CACNG4: variants seen among roughly 807,000 people sequenced by gnomAD.
CACNG4 encodes the protein voltage-dependent calcium channel gamma-4 subunit.
Under a neutral mutation model 22.9 loss-of-function variants are expected in CACNG4, and 8 were observed. The observed-to-expected ratio is 0.35, with a 90% CI of 0.21 to 0.63. The LOEUF (loss-of-function observed/expected upper bound fraction) is 0.63, where lower values mean the gene tolerates loss of function less well. Ranked by LOEUF, CACNG4 falls within the 30% of genes least tolerant of loss-of-function variation. The pLI is 0.72. For synonymous variants in CACNG4, 188 were observed against 191.9 expected, an observed-to-expected ratio of 0.98 and a Z score of 0.17; for missense variants, 357 against 455.4, an observed-to-expected ratio of 0.78 and a Z score of 1.97.
At chr17:66,976,840 T>C (rs1395764569) in intron 1 of CACNG4, among the ~76,000 whole-genome samples, 1 of 152,116 alleles carries the variant, frequency 6.6e-6, no homozygotes, top group African/African-American at 2.4e-5. Flanking sequence ...AGGAGGAGCC[T>C]GCTGGTGGTA....
chr17:67,027,223 G>GGTGCCCCCTGCAGCTGCCC lies in CACNG4; in HGVS notation c.445+2232_445+2250dup, dbSNP rs1376121625. 2.0e-5 allele frequency among the ~76,000 whole-genome samples: 3 copies of GGTGCCCCCTGCAGCTGCCC among 152,232 alleles called. No homozygotes were observed. Among genetic ancestry groups the GGTGCCCCCTGCAGCTGCCC allele is most frequent in the East Asian group, 1.9e-4 (1 of 5,196 alleles). ...GCTGCCAGCCTCCAAAGCCCTTCGA[G>GGTGCCCCCTGCAGCTGCCC]GTGCCCCCTGCAGCTGCCCGTGCCC... On this transcript the variant is annotated intron_variant, in intron 3 of 3. Coordinates refer to ENST00000262138, the MANE Select transcript of CACNG4 (RefSeq NM_014405.4). The surrounding 1 kb of genome is among the most constrained non-coding windows in gnomAD (Gnocchi z 4.3).
rs56107700 is a variant in CACNG4 at position 67,018,333 on chromosome 17, G to A, written c.304+61G>A. 2,895 of 1,310,398 alleles carry A rather than the reference G, an allele frequency of 2.2e-3. 46 individuals are homozygous for A. In the African/African-American group the frequency reaches 0.035, roughly 16 times the overall value. 81.2% of individuals were successfully genotyped at this position (1,310,398 alleles called of 1,614,324 possible). On this transcript the variant is annotated intron_variant, in intron 2 of 3. Transcript: ENST00000262138. ...GGAGGCGGAAGGGTGGGGGAAGGCG[G>A]CCGGAGGAAAGAGAGACACTGGGCA...
chr17:66,997,708 G>T (rs573778655), intron 1 of CACNG4, among the ~76,000 whole-genome samples: 1 of 152,234 alleles, frequency 6.6e-6, no homozygotes, highest in East Asian at 1.9e-4. Context: ...TCCCAGCTAT[G>T]CAGGAAGCTG....
At chr17:67,007,696 G>A (rs895214813) in intron 1 of CACNG4, among the ~76,000 whole-genome samples, 5 of 152,200 alleles carry the variant, frequency 3.3e-5, no homozygotes, top group Non-Finnish European at 5.9e-5. Flanking sequence ...GAAGGGCAGA[G>A]ACCATGTCTG....
At chr17:66,980,209 T>A (rs1030999761) in intron 1 of CACNG4, among the ~76,000 whole-genome samples, 1 of 152,238 alleles carries the variant, frequency 6.6e-6, no homozygotes, top group Non-Finnish European at 1.5e-5. Context: ...GAATCTTTAT[T>A]TCCTGTCAGC....
At position 67,018,235 on chromosome 17, in the gene CACNG4, C is replaced by T. The variant is rs776136999; in HGVS notation, c.267C>T (p.Asp89=). 1.2e-6 allele frequency: 2 copies of T among 1,614,158 alleles called. No homozygotes were observed. Among genetic ancestry groups the T allele is most frequent in the Non-Finnish European group, 8.5e-7 (1 of 1,179,980 alleles). The change falls in exon 2 of 4, where the codon GAC becomes GAT. Residue 89 remains aspartate (D), a synonymous_variant. Transcript: ENST00000262138. Reference sequence around the variant, plus strand: ...TCCGGATCAATCACTTCCCAGAGGACAATGACTACGACCACGACAGCTCGG... The same window carrying T: ...TCCGGATCAATCACTTCCCAGAGGATAATGACTACGACCACGACAGCTCGG... ...HCFRINHFPE[D]NDYDHDSSEY...
At chr17:66,965,188 A>C in intron 1 of CACNG4, 57 bp downstream of exon 1, 4 of 908,868 alleles carry the variant, frequency 4.4e-6, no homozygotes, top group Non-Finnish European at 6.2e-6. Flanking sequence ...ACACACACAT[A>C]TACACACGCG....
chr17:67,000,320 C>G (rs933869578), intron 1 of CACNG4, among the ~76,000 whole-genome samples: 1 of 152,200 alleles, frequency 6.6e-6, no homozygotes, highest in African/African-American at 2.4e-5. Context: ...TCCCAGCCAG[C>G]CTGTTCTCAC....
chr17:66,985,267 C>A (rs1183164664), intron 1 of CACNG4, among the ~76,000 whole-genome samples: 1 of 152,204 alleles, frequency 6.6e-6, no homozygotes, highest in East Asian at 1.9e-4. Flanking sequence ...TGGGCACTCC[C>A]AGATTCATTC....
Position 66,964,888 on chromosome 17 carries a change from G to A in CACNG4, c.-24G>A. The A allele has an allele frequency of 7.3e-7, 1 of 1,378,898 alleles. No individual in the cohort carries two copies. Among genetic ancestry groups the A allele is most frequent in the Non-Finnish European group, 9.5e-7 (1 of 1,058,054 alleles). The allele number at this position is 1,378,898 out of a possible 1,614,324, so 85.4% of individuals were successfully genotyped here. A position where few individuals can be genotyped will look rare whatever the true frequency, so the allele number is the denominator to read the frequency against. ...CGGGCGCGGCGGGCCGGGCCGGCGGGCGGCGGACTATGAGGCGCCCACCAT... is the reference window on the plus strand; with the variant it reads ...CGGGCGCGGCGGGCCGGGCCGGCGGACGGCGGACTATGAGGCGCCCACCAT... On this transcript the variant is annotated 5_prime_UTR_variant, in exon 1 of 4. Transcript: ENST00000262138.
At chr17:66,983,076 G>A (rs761916132) in intron 1 of CACNG4, among the ~76,000 whole-genome samples, 10 of 152,160 alleles carry the variant, frequency 6.6e-5, no homozygotes. Context: ...AGGCTGTCTG[G>A]CTTCAGATTC....
chr17:67,029,890 C>A (rs750193211), intron 3 of CACNG4, among the ~76,000 whole-genome samples: 6 of 152,150 alleles, frequency 3.9e-5, no homozygotes, highest in Non-Finnish European at 7.3e-5. Flanking sequence ...AGGAATGCAC[C>A]CCGTGGTTGT....
At chr17:66,965,589 C>T (rs1257456704) in intron 1 of CACNG4, among the ~76,000 whole-genome samples, 1 of 150,262 alleles carries the variant, frequency 6.7e-6, no homozygotes. Context: ...TGCTTGGCAA[C>T]CGGTGTCTGT....
chr17:67,028,575 A>G (rs2035582849), intron 3 of CACNG4, among the ~76,000 whole-genome samples: 1 of 152,076 alleles, frequency 6.6e-6, no homozygotes, highest in African/African-American at 2.4e-5. Flanking sequence ...CAAAAACAGA[A>G]AAAAAACGCA....
chr17:66,992,686 G>A (rs944874421), intron 1 of CACNG4, among the ~76,000 whole-genome samples: 4 of 152,254 alleles, frequency 2.6e-5, no homozygotes, highest in East Asian at 3.9e-4. Flanking sequence ...TAACAGAGCC[G>A]GAGAGGCTGT....
chr17:67,026,734 GTGGTGTGTTTGTGTGTGTGAGGACTA>G (rs2035570125), intron 3 of CACNG4, among the ~76,000 whole-genome samples: 1 of 151,320 alleles, frequency 6.6e-6, no homozygotes, highest in African/African-American at 2.4e-5. Flanking sequence ...GTTGAGGACT[GTGGTGTGTTTGTGTGTGTGAGGACTA>G]TGGTGTGTGT....
At chr17:67,018,044 A>G in intron 1 of CACNG4, 145 bp from the exon 2 acceptor site, 1 of 646,852 alleles carries the variant, frequency 1.5e-6, no homozygotes, top group Non-Finnish European at 2.8e-6. Context: ...CCCCCACCAG[A>G]CTGGAACGCT....
chr17:67,028,039 A>C (rs2035578535), intron 3 of CACNG4, among the ~76,000 whole-genome samples: 1 of 151,886 alleles, frequency 6.6e-6, no homozygotes, highest in African/African-American at 2.4e-5. Flanking sequence ...AAATAAATAA[A>C]AAGCGAACTA....
intron 1 of CACNG4, among the ~76,000 whole-genome samples, chr17:66,979,572 C>G (rs1213460733): frequency 6.6e-6 from 1 of 151,992 alleles, no homozygotes; most frequent in Non-Finnish European, 1.5e-5. Context: ...AACTGATGGT[C>G]ATGGGAATGA....
Sources: gnomAD v4.1 joint callset for allele counts (sites outside exome capture counted in the v4.1 genomes callset) on GRCh38, gnomAD v4.1.1 for gene constraint, Gnocchi (gnomAD v3.1) non-coding constraint, MANE v1.5 for transcripts, NCBI Gene and HGNC (gene_info 2026-07-23, HGNC 2026-07-21) for gene names.